The following IL16 variants were observed in gnomAD, a reference collection of about 807,000 sequenced individuals.
IL16 encodes interleukin 16.
IL16 carries 67 observed loss-of-function variants against 110.1 expected under a neutral mutation model. The observed-to-expected ratio is 0.61, with a 90% CI of 0.50 to 0.75. The LOEUF (loss-of-function observed/expected upper bound fraction) is 0.75, where lower values mean the gene tolerates loss of function less well. Among genes scored for constraint, IL16 ranks in the 30% least tolerant of loss-of-function variants. IL16 has a pLI of 0.00. For missense variants in IL16, 1,545 were observed against 1,655.0 expected, an observed-to-expected ratio of 0.93 and a Z score of 1.15; for synonymous variants, 689 against 662.9, an observed-to-expected ratio of 1.04 and a Z score of -0.61.
intron 1 of IL16, among the ~76,000 whole-genome samples, chr15:81,210,432 A>C (rs1798907216): frequency 6.6e-6 from 1 of 152,266 alleles, no homozygotes; most frequent in African/African-American, 2.4e-5. Context: ...ATAGCATTCA[A>C]TCTTTAAATT....
chr15:81,235,706 G>T (rs539657772), intron 2 of IL16, among the ~76,000 whole-genome samples: 19 of 152,266 alleles, frequency 1.2e-4, no homozygotes, highest in African/African-American at 4.6e-4. Context: ...CGACACGGTG[G>T]AGCACAGAAC....
intron 1 of IL16, among the ~76,000 whole-genome samples, chr15:81,203,963 G>A (rs993880256): frequency 1.3e-5 from 2 of 151,776 alleles, no homozygotes; most frequent in African/African-American, 4.8e-5. Flanking sequence ...AGCGTGGAAT[G>A]TTCTTCCATT....
chr15:81,297,067 G>C lies in IL16; in HGVS notation c.2042G>C (p.Arg681Thr), dbSNP rs755679188. The stretch of plus-strand genomic sequence containing the variant: ...ACAGAGGGCGAGCCAGGGTGGAGAA[G>C]AGCCAGCCCAGGTAAGCTTTCATTG... The part of the protein sequence containing the change: ...SSTEGEPGWR[R>T]ASPVTQTSPI... The change falls in exon 13 of 19, where the codon AGA becomes ACA. Residue 681 changes from arginine (R) to threonine (T), a missense_variant. Transcript: ENST00000683961. The C allele has an allele frequency of 6.2e-7, 1 of 1,611,410 alleles. No homozygotes were observed. The highest frequency in any genetic ancestry group is 8.5e-7 in the Non-Finnish European group (1 of 1,179,022).
In IL16 at chr15:81,292,851, C is replaced by A. The variant is rs1369571356; in HGVS notation, c.1716C>A (p.Ser572Arg). 1 of 1,613,712 alleles carries A rather than the reference C, an allele frequency of 6.2e-7. No homozygotes were observed. Among genetic ancestry groups the A allele is most frequent in the Non-Finnish European group, 8.5e-7 (1 of 1,179,856 alleles). ...AGGAGAGCCCACCCCTCCCAGAGAG[C>A]CGGGACAGCCACCCGCCGCTGAGAC... The part of the protein sequence containing the change: ...LPQESPPLPE[S>R]RDSHPPLRLK... Residue 572 changes from serine to arginine, a missense_variant, in exon 12 of 19, where the codon AGC becomes AGA. Physicochemically the swap from Ser to Arg is moderately radical, Grantham distance 110. Transcript: ENST00000683961.
Position 81,299,959 on chromosome 15 carries a change from A to C in IL16, c.2633A>C (p.His878Pro). ...GAGGCAGCAAAACCTCTTGGGAAGCATGAGGAAGGACGGTTTTCTGGACTC... is the reference window on the plus strand; with the variant it reads ...GAGGCAGCAAAACCTCTTGGGAAGCCTGAGGAAGGACGGTTTTCTGGACTC... ...SGEAAKPLGK[H>P]EEGRFSGLLG... Residue 878 changes from histidine (H) to proline (P), a missense_variant, in exon 14 of 19, where the codon CAT (histidine) becomes CCT (proline). By Grantham distance (77) the His-to-Pro change is moderately conservative. Around this residue, in one of 3 missense-constraint regions of IL16, gnomAD observed 1,185 missense variants for 1,238.8 expected, o/e 0.96. Transcript: ENST00000683961. 6.2e-7 allele frequency: 1 copy of C among 1,609,808 alleles called. No individual in the cohort carries two copies.
Position 81,225,467 on chromosome 15 carries a change from T to C in IL16, c.68T>C (p.Leu23Pro), listed in dbSNP as rs1378486085. ...SAKFRSISRS[L>P]MLCNAKTSDD... ...AAATTTCGGTCCATCTCCAGGTCCC[T>C]GATGCTCTGTAATGCTAAGACCAGT... The change falls in exon 2 of 19, where the codon CTG (leucine) becomes CCG (proline). Residue 23 changes from leucine (L) to proline (P), a missense_variant. Leu to Pro is a moderately conservative substitution (Grantham distance 98). Transcript: ENST00000683961. 5.6e-6 allele frequency: 9 copies of C among 1,614,180 alleles called. No homozygotes were observed. The highest frequency in any genetic ancestry group is 7.6e-6 in the Non-Finnish European group (9 of 1,180,010).
At chr15:81,194,503 A>T (rs554974075), upstream of IL16, among the ~76,000 whole-genome samples, 110 of 151,470 alleles carry the variant, frequency 7.3e-4, 2 homozygotes, top group South Asian at 0.013. Flanking sequence ...TAAAATTAAA[A>T]TTTTTTAAAT....
At chr15:81,275,827 A>G (rs1385771072) in intron 6 of IL16, among the ~76,000 whole-genome samples, 3 of 152,340 alleles carry the variant, frequency 2.0e-5, no homozygotes, top group Non-Finnish European at 4.4e-5. Flanking sequence ...ATTAGTTGCA[A>G]CAAAAGTTTG....
At chr15:81,202,342 G>A (rs566142120) in intron 1 of IL16, among the ~76,000 whole-genome samples, 1 of 152,124 alleles carries the variant, frequency 6.6e-6, no homozygotes, top group Admixed American at 6.5e-5. Flanking sequence ...CAGCTTTGGG[G>A]GTCTGTATTG....
chr15:81,212,044 C>T (rs1896265048), intron 1 of IL16, among the ~76,000 whole-genome samples: 1 of 151,790 alleles, frequency 6.6e-6, no homozygotes, highest in Non-Finnish European at 1.5e-5. Flanking sequence ...GCCTCCTCCT[C>T]AATTTTTTGG....
intron 1 of IL16, among the ~76,000 whole-genome samples, chr15:81,203,495 T>A (rs1463959531): frequency 1.2e-4 from 19 of 152,038 alleles, no homozygotes; most frequent in Non-Finnish European, 2.5e-4. Context: ...AATTAATTTT[T>A]GTATAAGGTG....
chr15:81,287,173 G>A (rs769847800), intron 10 of IL16, among the ~76,000 whole-genome samples: 3 of 152,228 alleles, frequency 2.0e-5, no homozygotes, highest in Non-Finnish European at 4.4e-5. Context: ...CTGGGCAAGT[G>A]GCTCTGGGGT....
At chr15:81,192,454 G>GA (rs1895512748), upstream of IL16, among the ~76,000 whole-genome samples, 1 of 151,870 alleles carries the variant, frequency 6.6e-6, no homozygotes, top group South Asian at 2.1e-4. Flanking sequence ...AAAGAAAAAA[G>GA]AAAAAATAGC....
chr15:81,253,316 GTTAT>G (rs1283316932), intron 2 of IL16, among the ~76,000 whole-genome samples: 5 of 152,042 alleles, frequency 3.3e-5, no homozygotes, highest in African/African-American at 1.2e-4. Flanking sequence ...TAAAAATTAG[GTTAT>G]TTGTCTTTTT....
intron 2 of IL16, among the ~76,000 whole-genome samples, chr15:81,238,527 T>C (rs1412976583): frequency 1.3e-5 from 2 of 152,192 alleles, no homozygotes; most frequent in Non-Finnish European, 2.9e-5. Context: ...GTAGAAGTCT[T>C]ACTTATATTT....
intron 1 of IL16, among the ~76,000 whole-genome samples, chr15:81,187,498 G>C (rs1413180020): frequency 6.6e-6 from 1 of 152,108 alleles, no homozygotes; most frequent in Non-Finnish European, 1.5e-5. Flanking sequence ...GGAAGGCCGA[G>C]GCAGGAGGGT....
At chr15:81,194,242 C>G (rs1895544331), upstream of IL16, among the ~76,000 whole-genome samples, 1 of 152,150 alleles carries the variant, frequency 6.6e-6, no homozygotes, top group Non-Finnish European at 1.5e-5. Context: ...AGTACAGAAG[C>G]TGGGGCTTAT....
intron 2 of IL16, among the ~76,000 whole-genome samples, chr15:81,241,969 T>C (rs1176039668): frequency 6.6e-6 from 1 of 150,888 alleles, no homozygotes; most frequent in Non-Finnish European, 1.5e-5. Flanking sequence ...TTTTTTTTTT[T>C]CTCTCCTGTG....
intron 1 of IL16, among the ~76,000 whole-genome samples, chr15:81,202,214 C>G (rs1359645981): frequency 6.6e-6 from 1 of 152,200 alleles, no homozygotes; most frequent in Admixed American, 6.5e-5. Flanking sequence ...ATATGACAGA[C>G]AGACTCTGCC....
Sources: gnomAD v4.1 joint callset for allele counts (sites outside exome capture counted in the v4.1 genomes callset) on GRCh38, gnomAD v4.1.1 for gene constraint, gnomAD v4.1.1 regional missense constraint, MANE v1.5 for transcripts, NCBI Gene and HGNC (gene_info 2026-07-23, HGNC 2026-07-21) for gene names.